The following KIF26B variants were observed in gnomAD, a reference collection of about 807,000 sequenced individuals.
The protein encoded by KIF26B is kinesin-like protein KIF26B.
Under a neutral mutation model 151.2 loss-of-function variants are expected in KIF26B, and 63 were observed. That is an observed-to-expected ratio of 0.42 (90% CI 0.34 to 0.51). KIF26B has a LOEUF of 0.51. Among genes scored for constraint, KIF26B ranks in the 20% least tolerant of loss-of-function variants. The pLI, the probability that KIF26B is intolerant of heterozygous loss-of-function variation, is 0.07. For synonymous variants in KIF26B, 1,357 were observed against 1,262.1 expected, an observed-to-expected ratio of 1.08 and a Z score of -1.59; for missense variants, 2,813 against 2,913.6, an observed-to-expected ratio of 0.97 and a Z score of 0.79.
intron 2 of KIF26B, among the ~76,000 whole-genome samples, chr1:245,301,836 T>A (rs1371981969): frequency 6.6e-6 from 1 of 152,208 alleles, no homozygotes; most frequent in Non-Finnish European, 1.5e-5. Flanking sequence ...CAATTATTTA[T>A]CAATAAGTGT....
chr1:245,236,982 C>T (rs1357876892), intron 2 of KIF26B, among the ~76,000 whole-genome samples: 6 of 152,218 alleles, frequency 3.9e-5, no homozygotes, highest in African/African-American at 9.6e-5. Context: ...TACTTAAGGC[C>T]GATCTGGGAC....
chr1:245,363,144 A>G (rs1389115686), intron 2 of KIF26B, among the ~76,000 whole-genome samples: 2 of 152,170 alleles, frequency 1.3e-5, no homozygotes, highest in Admixed American at 6.5e-5. Flanking sequence ...TTGTGTCCAT[A>G]TCAGGAAAGC....
chr1:245,599,257 A>T (rs1383048638), intron 5 of KIF26B, among the ~76,000 whole-genome samples: 1 of 152,202 alleles, frequency 6.6e-6, no homozygotes, highest in East Asian at 1.9e-4. Context: ...AGAAAAACTT[A>T]ATTTCCTTCC....
rs548422038 is a variant in KIF26B at position 245,527,524 on chromosome 1, C to CTTTTTTTTTTTTTTTTTTTTTTTT, written c.1167-13239_1167-13216dup. Among the ~76,000 whole-genome samples the CTTTTTTTTTTTTTTTTTTTTTTTT allele has an allele frequency of 3.7e-4, 19 of 50,722 alleles. 7 individuals are homozygous for CTTTTTTTTTTTTTTTTTTTTTTTT. Among genetic ancestry groups the CTTTTTTTTTTTTTTTTTTTTTTTT allele is most frequent in the African/African-American group, 1.2e-3 (12 of 10,212 alleles). 33.3% of individuals were successfully genotyped at this position (50,722 alleles called of 152,430 possible). A position where few individuals can be genotyped will look rare whatever the true frequency, so the allele number is the denominator to read the frequency against. On this transcript the variant is annotated intron_variant, in intron 4 of 14. Transcript: ENST00000407071. ...TCATTTATATCTGGCTTTGGGATGG[C>CTTTTTTTTTTTTTTTTTTTTTTTT]TTTTTTTTTTTTTTTTTTTTTTTTT...
At chr1:245,406,969 G>A (rs988700429) in intron 3 of KIF26B, among the ~76,000 whole-genome samples, 13 of 152,014 alleles carry the variant, frequency 8.6e-5, no homozygotes, top group Non-Finnish European at 1.8e-4. Flanking sequence ...TGTATTTTTA[G>A]TAGAGACAAG....
intron 4 of KIF26B, among the ~76,000 whole-genome samples, chr1:245,539,334 C>T (rs985216277): frequency 7.2e-5 from 11 of 152,226 alleles, no homozygotes; most frequent in South Asian, 2.1e-4. Context: ...AGACCGGGGT[C>T]GGGGAGGGAG....
chr1:245,368,560 G>A (rs1224474800), intron 3 of KIF26B, among the ~76,000 whole-genome samples: 1 of 152,072 alleles, frequency 6.6e-6, no homozygotes, highest in Non-Finnish European at 1.5e-5. Flanking sequence ...GCCTTCTGCT[G>A]CGATGTGAGG....
chr1:245,389,993 C>G (rs79965837), intron 3 of KIF26B, among the ~76,000 whole-genome samples: 17 of 152,116 alleles, frequency 1.1e-4, no homozygotes, highest in Non-Finnish European at 1.0e-4. Context: ...TTTATGAGAT[C>G]GAAACTATTT....
intron 2 of KIF26B, among the ~76,000 whole-genome samples, chr1:245,299,830 C>T (rs1021781464): frequency 7.2e-5 from 11 of 152,190 alleles, no homozygotes; most frequent in African/African-American, 2.4e-4. Flanking sequence ...ACTTACCAGG[C>T]CATTTACTAA....
intron 2 of KIF26B, among the ~76,000 whole-genome samples, chr1:245,187,975 A>T (rs1669028529): frequency 6.6e-6 from 1 of 152,082 alleles, no homozygotes; most frequent in Admixed American, 6.6e-5. Context: ...CAACACTGAA[A>T]TTGGAATCAG....
chr1:245,185,000 T>C (rs1194001170), intron 2 of KIF26B, among the ~76,000 whole-genome samples: 1 of 152,234 alleles, frequency 6.6e-6, no homozygotes, highest in Admixed American at 6.5e-5. Flanking sequence ...GATTCCAGAT[T>C]GGAATCCTAG....
intron 10 of KIF26B, among the ~76,000 whole-genome samples, chr1:245,650,643 G>A (rs1237556302): frequency 1.3e-5 from 2 of 152,242 alleles, no homozygotes; most frequent in African/African-American, 4.8e-5. Flanking sequence ...TACCTTCATT[G>A]ATGACTGCTG....
rs1475941439 is a variant in KIF26B at position 245,167,202 on chromosome 1, G to A, written c.465+10519G>A. Among the ~76,000 whole-genome samples the A allele has an allele frequency of 6.7e-6, 1 of 149,604 alleles. No homozygotes were observed. Among genetic ancestry groups the A allele is most frequent in the Non-Finnish European group, 1.5e-5 (1 of 67,534 alleles). The stretch of plus-strand genomic sequence containing the variant: ...TATATAATTGTTTTTTTTTTTGCTT[G>A]AAAGCATGAGCTGCAAATAATAAAT... On this transcript the variant is annotated intron_variant, in intron 2 of 14. Coordinates refer to ENST00000407071, the MANE Select transcript of KIF26B (RefSeq NM_018012.4). The surrounding 1 kb of genome is among the most constrained non-coding windows in gnomAD (Gnocchi z 4.2).
At chr1:245,222,058 A>T (rs1267086245) in intron 2 of KIF26B, among the ~76,000 whole-genome samples, 1 of 152,242 alleles carries the variant, frequency 6.6e-6, no homozygotes, top group East Asian at 1.9e-4. Context: ...GTACATTCTC[A>T]GTTCTTTTAT....
chr1:245,480,795 A>AG (rs1491443060), intron 4 of KIF26B, among the ~76,000 whole-genome samples: 4 of 142,998 alleles, frequency 2.8e-5, no homozygotes, highest in Non-Finnish European at 4.6e-5. Flanking sequence ...AAAAAAAAAA[A>AG]AGAGAGAGAG....
At chr1:245,697,552 G>C (rs1426165747) in intron 12 of KIF26B, among the ~76,000 whole-genome samples, 2 of 152,144 alleles carry the variant, frequency 1.3e-5, no homozygotes, top group Admixed American at 6.5e-5. Context: ...GTGTTTTACA[G>C]GTGGAAACTA....
At chr1:245,277,796 G>A (rs1290159719) in intron 2 of KIF26B, among the ~76,000 whole-genome samples, 3 of 152,130 alleles carry the variant, frequency 2.0e-5, no homozygotes, top group Non-Finnish European at 4.4e-5. Flanking sequence ...TGGGAAGGGG[G>A]CTTGGAGTAG....
At chr1:245,384,174 C>T (rs1327369759) in intron 3 of KIF26B, among the ~76,000 whole-genome samples, 1 of 152,136 alleles carries the variant, frequency 6.6e-6, no homozygotes, top group Non-Finnish European at 1.5e-5. Flanking sequence ...TCCGGCTTTA[C>T]GAGGCTGTTT....
At chr1:245,159,754 G>A (rs1445747600) in intron 2 of KIF26B, among the ~76,000 whole-genome samples, 1 of 152,198 alleles carries the variant, frequency 6.6e-6, no homozygotes, top group Non-Finnish European at 1.5e-5. Flanking sequence ...TTAAGGAGGG[G>A]AGGTGAAGTA....
Sources: gnomAD v4.1 joint callset for allele counts (sites outside exome capture counted in the v4.1 genomes callset) on GRCh38, gnomAD v4.1.1 for gene constraint, Gnocchi (gnomAD v3.1) non-coding constraint, MANE v1.5 for transcripts, NCBI Gene and HGNC (gene_info 2026-07-23, HGNC 2026-07-21) for gene names.